The following TIMELESS variants were observed in gnomAD, a reference collection of about 807,000 sequenced individuals.
The protein encoded by TIMELESS is timeless circadian regulator.
In TIMELESS, 124 loss-of-function variants were observed where a neutral mutation model predicts 164.3. The observed-to-expected ratio is 0.75, with a 90% CI of 0.65 to 0.88. The LOEUF is 0.88. TIMELESS is among the 40% of genes least tolerant of loss of function. The probability of loss-of-function intolerance (pLI) is 0.00; values close to 1 mark genes in which losing one functional copy is unlikely to be tolerated. For synonymous variants in TIMELESS, 564 were observed against 563.4 expected (o/e 1.00, Z -0.02); for missense variants, 1,422 against 1,491.4 (o/e 0.95, Z 0.77).
At position 56,417,892 on chromosome 12, in the gene TIMELESS, C is replaced by T. The variant is rs768896643; in HGVS notation, c.3556+15G>A. ...GGATTAGAGAAGAAAAAGAAGGTCC[C>T]ATCAAATTCCCTACCTCTGTTCCTG... On this transcript the variant is annotated intron_variant, in intron 28 of 28. Coordinates refer to ENST00000553532, the MANE Select transcript of TIMELESS (RefSeq NM_003920.5). 3 of 1,614,122 alleles carry T rather than the reference C, an allele frequency of 1.9e-6. No homozygotes were observed. The highest frequency in any genetic ancestry group is 2.5e-6 in the Non-Finnish European group (3 of 1,179,976).
rs1421459000 is a variant in TIMELESS at position 56,417,240 on chromosome 12, G to A, written c.*476C>T. 4 of 167,482 alleles carry A rather than the reference G, an allele frequency of 2.4e-5. No homozygotes were observed. Among genetic ancestry groups the A allele is most frequent in the Admixed American group, 1.1e-4 (2 of 18,082 alleles). The allele number at this position is 167,482 out of a possible 1,614,324, so 10.4% of individuals were successfully genotyped here. ...GGAATGGGCCTCTATCTGGTATCTA[G>A]AGGATGATCATAGGAAACAAAATGA... On this transcript the variant is annotated 3_prime_UTR_variant, in exon 29 of 29. Transcript: ENST00000553532.
intron 9 of TIMELESS, 55 bp downstream of exon 9, chr12:56,430,826 C>A: frequency 8.1e-7 from 1 of 1,240,804 alleles, no homozygotes; most frequent in Admixed American, 2.3e-5. Context: ...GATGATTACC[C>A]TGCTTAAGCT....
At chr12:56,419,459 A>AGAGTGTGT (rs1555176392) in intron 26 of TIMELESS, among the ~76,000 whole-genome samples, 1 of 147,936 alleles carries the variant, frequency 6.8e-6, no homozygotes. Flanking sequence ...AGACAGATGG[A>AGAGTGTGT]GTGTGTGTGT....
chr12:56,446,297 T>G (rs189882683), intron 1 of TIMELESS, among the ~76,000 whole-genome samples: 1 of 152,376 alleles, frequency 6.6e-6, no homozygotes, highest in East Asian at 1.9e-4. Flanking sequence ...AACTTCATAG[T>G]GATCGTCTCT....
Position 56,422,851 on chromosome 12 carries a change from C to A in TIMELESS, c.2434G>T (p.Asp812Tyr). 2 of 1,433,566 alleles carry A rather than the reference C, an allele frequency of 1.4e-6. No individual in the cohort carries two copies. Among genetic ancestry groups the A allele is most frequent in the South Asian group, 1.1e-5 (1 of 88,294 alleles). 88.8% of individuals were successfully genotyped at this position (1,433,566 alleles called of 1,614,324 possible). The change falls in exon 19 of 29, where the codon GAC becomes TAC. Residue 812 changes from aspartate to tyrosine, a missense_variant. By Grantham distance (160) the Asp-to-Tyr change is radical. Transcript: ENST00000553532. The stretch of plus-strand genomic sequence containing the variant: ...CTTTGCCAACTTCAAGCTCACCTGT[C>A]ATCCAGGGAGCCATAGCCCTCAGTC... The part of the protein sequence containing the change: ...EMTEGYGSLD[D>Y]RSSSRRAPTW...
intron 1 of TIMELESS, among the ~76,000 whole-genome samples, chr12:56,444,054 C>T (rs562720279): frequency 7.9e-5 from 12 of 152,162 alleles, no homozygotes; most frequent in South Asian, 6.2e-4. Flanking sequence ...CCCGCCACCA[C>T]GCTTGGCTAA....
At position 56,417,797 on chromosome 12, in the gene TIMELESS, G is replaced by A. The variant is rs778435630; in HGVS notation, c.3557-11C>T. 9 of 1,614,166 alleles carry A rather than the reference G, an allele frequency of 5.6e-6. No homozygotes were observed. Among genetic ancestry groups the A allele is most frequent in the South Asian group, 3.3e-5 (3 of 91,072 alleles). ...CTCCCAACTCTGGTGCTGTGGGAAC[G>A]ATGGGGGTGAGAGAGAGAGAGAATA... On this transcript the variant is annotated splice_polypyrimidine_tract_variant and intron_variant, in intron 28 of 28. Coordinates refer to ENST00000553532, the MANE Select transcript of TIMELESS (RefSeq NM_003920.5).
intron 1 of TIMELESS, among the ~76,000 whole-genome samples, chr12:56,440,294 A>C (rs57870135): frequency 0.075 from 11,332 of 152,074 alleles, 1,379 homozygotes; most frequent in African/African-American, 0.25. Flanking sequence ...ACGCGCCACC[A>C]TGCCCAGCTA....
rs1881280272 is a variant in TIMELESS, at chr12:56,416,950, C to T, written c.*766G>A. The T allele has an allele frequency of 6.6e-6, 1 of 152,150 alleles. No individual in the cohort carries two copies. Among genetic ancestry groups the T allele is most frequent in the African/African-American group, 2.4e-5 (1 of 41,392 alleles). 9.4% of individuals were successfully genotyped at this position (152,150 alleles called of 1,614,324 possible). ...TATTGTCCAGGCCGGTCTCAAACTC[C>T]TGACCTCAGGTGATCCGCCCGCCTC... On this transcript the variant is annotated 3_prime_UTR_variant, in exon 29 of 29. Transcript: ENST00000553532.
intron 9 of TIMELESS, 127 bp downstream of exon 9, chr12:56,430,754 T>C: frequency 1.7e-6 from 1 of 580,244 alleles, no homozygotes; most frequent in Non-Finnish European, 3.0e-6. Flanking sequence ...TCCTCCTGCC[T>C]CAGCCTCCCA....
chr12:56,434,251 T>TA lies in TIMELESS; in HGVS notation c.-61-21dup, dbSNP rs1276628646. 3.5e-6 allele frequency: 4 copies of TA among 1,158,716 alleles called. No homozygotes were observed. Among genetic ancestry groups the TA allele is most frequent in the South Asian group, 1.3e-5 (1 of 78,802 alleles). 71.8% of individuals were successfully genotyped at this position (1,158,716 alleles called of 1,614,324 possible). A position where few individuals can be genotyped will look rare whatever the true frequency, so the allele number is the denominator to read the frequency against. On this transcript the variant is annotated intron_variant, in intron 1 of 28. Coordinates refer to ENST00000553532, the MANE Select transcript of TIMELESS (RefSeq NM_003920.5). ...TGAGGCCTGGAGAAATAGAGAAAGA[T>TA]AAAAAATGTAAGTTCCTCTCCATGA...
In TIMELESS at chr12:56,433,777, T is replaced by A; in HGVS notation, c.247A>T (p.Ile83Phe). The change falls in exon 3 of 29, where the codon ATC becomes TTC. Residue 83 changes from isoleucine to phenylalanine, a missense_variant. By Grantham distance (21) the Ile-to-Phe change is conservative. Coordinates refer to ENST00000553532, the MANE Select transcript of TIMELESS (RefSeq NM_003920.5). ...HQDKPLFDAVIRLMVNLTQPA... is the reference protein window; with the variant it reads ...HQDKPLFDAVFRLMVNLTQPA... ...TTTAAAAGCTAGGGAGGCAACCTGA[T>A]AACAGCATCAAAGAGAGGCTTGTCC... The A allele has an allele frequency of 6.2e-7, 1 of 1,614,182 alleles. No individual in the cohort carries two copies. The highest frequency in any genetic ancestry group is 8.5e-7 in the Non-Finnish European group (1 of 1,180,028).
Position 56,432,486 on chromosome 12 carries a change from G to A in TIMELESS, c.570C>T (p.Leu190=). 2 of 1,614,214 alleles carry A rather than the reference G, an allele frequency of 1.2e-6. No homozygotes were observed. The highest frequency in any genetic ancestry group is 2.2e-5 in the South Asian group (2 of 91,084). ...CCAGGCCGCTGAGGTGAATCGCCCA[G>A]AGGAGCTGGTCATGGGCACTGGCGT... The part of the protein sequence containing the change: ...DDDASAHDQL[L]WAIHLSGLDD... The change falls in exon 7 of 29, where the codon CTC becomes CTT. Residue 190 remains leucine, a synonymous_variant. Transcript: ENST00000553532.
chr12:56,433,234 G>C, intron 5 of TIMELESS, 107 bp from the exon 6 acceptor site: 1 of 1,403,076 alleles, frequency 7.1e-7, no homozygotes, highest in Non-Finnish European at 1.0e-6. Context: ...AAAAGAAAGA[G>C]TTCAAACAGT....
chr12:56,443,229 C>G (rs1233610631), intron 1 of TIMELESS, among the ~76,000 whole-genome samples: 1 of 152,132 alleles, frequency 6.6e-6, no homozygotes, highest in African/African-American at 2.4e-5. Flanking sequence ...AGAAATATCA[C>G]TGAATTCTTT....
chr12:56,428,674 T>A (rs774835824), intron 11 of TIMELESS, 22 bp from the exon 12 acceptor site: 19 of 1,604,160 alleles, frequency 1.2e-5, no homozygotes, highest in African/African-American at 2.7e-5. Flanking sequence ...CGGGAAACGG[T>A]GAAATGGAGG....
At chr12:56,444,608 GCGATCT>G (rs546356700) in intron 1 of TIMELESS, among the ~76,000 whole-genome samples, 174 of 151,758 alleles carry the variant, frequency 1.1e-3, no homozygotes, top group Non-Finnish European at 2.1e-3. Context: ...GTGCAGTGGT[GCGATCT>G]CGGCTCACTG....
rs756917194 is a variant in TIMELESS, at chr12:56,432,416, A to C, written c.640T>G (p.Trp214Gly). ...FLASSSAEEQ[W>G]SLHVLEIVSL... Reference sequence around the variant, plus strand: ...ACAATCTCTAGCACATGTAGGCTCCATTGCTCCTCAGCAGACGAGCTGGCC... The same window carrying C: ...ACAATCTCTAGCACATGTAGGCTCCCTTGCTCCTCAGCAGACGAGCTGGCC... The change falls in exon 7 of 29, where the codon TGG (tryptophan) becomes GGG (glycine). Residue 214 changes from tryptophan to glycine, a missense_variant. Physicochemically the swap from Trp to Gly is radical, Grantham distance 184. Transcript: ENST00000553532. The C allele has an allele frequency of 1.2e-6, 2 of 1,614,224 alleles. No individual in the cohort carries two copies. The highest frequency in any genetic ancestry group is 3.3e-5 in the Admixed American group (2 of 60,036).
At position 56,421,041 on chromosome 12, in the gene TIMELESS, C is replaced by T; in HGVS notation, c.2962G>A (p.Gly988Arg). 1.9e-6 allele frequency: 3 copies of T among 1,614,174 alleles called. No individual in the cohort carries two copies. The highest frequency in any genetic ancestry group is 2.5e-6 in the Non-Finnish European group (3 of 1,180,024). ...PEEDSEEEEEGGSEAEQVQGS... is the reference protein window; with the variant it reads ...PEEDSEEEEERGSEAEQVQGS... Reference sequence around the variant, plus strand: ...TGGACTTGTTCTGCTTCTGAGCCCCCTTCTTCTTCCTCTTCGCTGTCTTCC... The same window carrying T: ...TGGACTTGTTCTGCTTCTGAGCCCCTTTCTTCTTCCTCTTCGCTGTCTTCC... Residue 988 changes from glycine to arginine, a missense_variant, in exon 24 of 29, where the codon GGG becomes AGG. By Grantham distance (125) the Gly-to-Arg change is moderately radical. Transcript: ENST00000553532.
Sources: allele counts gnomAD v4.1 joint callset (sites outside exome capture counted in the v4.1 genomes callset), GRCh38; gene constraint gnomAD v4.1.1; transcripts MANE v1.5; gene names NCBI Gene and HGNC (gene_info 2026-07-23, HGNC 2026-07-21).